The following IL1RAPL1 variants were observed in gnomAD, a reference collection of about 807,000 sequenced individuals.
IL1RAPL1 encodes interleukin 1 receptor accessory protein like 1, also known as interleukin-1 receptor accessory protein-like 1.
IL1RAPL1 carries 3 observed loss-of-function variants against 48.4 expected under a neutral mutation model. The observed-to-expected ratio is 0.06, with a 90% confidence interval of 0.03 to 0.16. The LOEUF is 0.16. Among genes scored for constraint, IL1RAPL1 ranks in the 10% least tolerant of loss-of-function variants. IL1RAPL1 has a pLI of 1.00. For missense variants in IL1RAPL1, 349 were observed against 530.6 expected, an observed-to-expected ratio of 0.66 and a Z score of 3.36; for synonymous variants, 185 against 187.7, an observed-to-expected ratio of 0.99 and a Z score of 0.12.
chrX:29,408,607 T>C (rs892971829), intron 5 of IL1RAPL1, among the ~76,000 whole-genome samples: 3 of 111,916 alleles, frequency 2.7e-5, no homozygotes, highest in Non-Finnish European at 5.6e-5. Flanking sequence ...GAGGTGATTG[T>C]TACAAGGATG....
chrX:29,729,505 A>C (rs5927157), intron 6 of IL1RAPL1, among the ~76,000 whole-genome samples: 28,732 of 109,791 alleles, frequency 0.26, 2,859 homozygotes, highest in Admixed American at 0.39. Context: ...CATTTTTAAA[A>C]TTTTCATCTT....
chrX:28,787,723 A>G (rs942861663), intron 1 of IL1RAPL1, among the ~76,000 whole-genome samples: 2 of 111,738 alleles, frequency 1.8e-5, no homozygotes, highest in Non-Finnish European at 3.8e-5. Context: ...AATTAAAACC[A>G]TTCAGAAGTA....
intron 6 of IL1RAPL1, among the ~76,000 whole-genome samples, chrX:29,866,663 C>T: frequency 9.5e-6 from 1 of 105,811 alleles, no homozygotes; most frequent in Admixed American, 1.1e-4. Flanking sequence ...TCAGAAACAC[C>T]TATCTCGTGT....
chrX:29,584,850 G>C (rs936677515), intron 5 of IL1RAPL1, among the ~76,000 whole-genome samples: 1 of 111,856 alleles, frequency 8.9e-6, no homozygotes, highest in Non-Finnish European at 1.9e-5. Flanking sequence ...CATCATACCT[G>C]GCCCATCCTA....
At chrX:29,323,358 A>C (rs781057079) in intron 3 of IL1RAPL1, among the ~76,000 whole-genome samples, 1 of 109,075 alleles carries the variant, frequency 9.2e-6, no homozygotes, top group African/African-American at 3.3e-5. Context: ...TGACTTTTAT[A>C]TTGGTAAATC....
chrX:29,709,834 A>G (rs1199335170), intron 6 of IL1RAPL1, among the ~76,000 whole-genome samples: 1 of 111,497 alleles, frequency 9.0e-6, no homozygotes, highest in Non-Finnish European at 1.9e-5. Context: ...GTATTCTTCA[A>G]TTTCTTTCAT....
At chrX:28,981,237 C>A (rs1463848731) in intron 2 of IL1RAPL1, among the ~76,000 whole-genome samples, 1 of 107,876 alleles carries the variant, frequency 9.3e-6, no homozygotes, top group Non-Finnish European at 1.9e-5. Context: ...CACTTTCTCA[C>A]ACATCATGCC....
intron 2 of IL1RAPL1, among the ~76,000 whole-genome samples, chrX:28,795,130 T>C (rs993300903): frequency 9.0e-6 from 1 of 111,507 alleles, no homozygotes; most frequent in African/African-American, 3.3e-5. Context: ...TCTGGGACTT[T>C]GTTTCTTTAC....
rs777799743 is a variant in IL1RAPL1 at position 29,287,340 on chromosome X, G to T, written c.362+4123G>T. Among the ~76,000 whole-genome samples, 6 of 111,503 alleles carry T rather than the reference G, an allele frequency of 5.4e-5. No individual in the cohort carries two copies. The East Asian group carries it at 1.7e-3, about 31-fold the overall frequency. The stretch of plus-strand genomic sequence containing the variant: ...CATATTTATTCACTTGTTGAAGGGT[G>T]TCTCTATTATTTCCAGTTTGGGGAT... On this transcript the variant is annotated intron_variant, in intron 3 of 10. Transcript: ENST00000378993.
chrX:29,456,470 G>A (rs1349651855), intron 5 of IL1RAPL1, among the ~76,000 whole-genome samples: 1 of 111,754 alleles, frequency 8.9e-6, no homozygotes. Context: ...ACTTGGAAGT[G>A]TTCCAGTAGG....
chrX:29,130,616 C>T (rs1321506429), intron 2 of IL1RAPL1, among the ~76,000 whole-genome samples: 1 of 111,960 alleles, frequency 8.9e-6, no homozygotes, highest in Admixed American at 9.5e-5. Context: ...TAGTGAAGTT[C>T]GGTGACTATT....
chrX:29,551,033 G>A (rs182857207), intron 5 of IL1RAPL1, among the ~76,000 whole-genome samples: 1 of 112,055 alleles, frequency 8.9e-6, no homozygotes, highest in African/African-American at 3.2e-5. Flanking sequence ...TTTGATTTCT[G>A]TCGGTACCTC....
chrX:29,199,194 A>G (rs1040433426), intron 2 of IL1RAPL1, among the ~76,000 whole-genome samples: 1 of 112,082 alleles, frequency 8.9e-6, no homozygotes, highest in Non-Finnish European at 1.9e-5. Flanking sequence ...AGATAGTAAC[A>G]TGAGAAAATG....
intron 5 of IL1RAPL1, among the ~76,000 whole-genome samples, chrX:29,655,651 CAAAAA>C (rs746998144): frequency 0.013 from 344 of 26,753 alleles, 1 homozygote; most frequent in African/African-American, 0.051. Context: ...TGACAGTCTC[CAAAAA>C]AAAAAAAAAA....
intron 2 of IL1RAPL1, among the ~76,000 whole-genome samples, chrX:28,897,282 C>T (rs1161943183): frequency 2.7e-5 from 3 of 111,433 alleles, no homozygotes; most frequent in Non-Finnish European, 5.7e-5. Flanking sequence ...CCAAGGCAGG[C>T]GTCCCTGCGT....
chrX:29,287,903 A>G (rs1048236680), intron 3 of IL1RAPL1, among the ~76,000 whole-genome samples: 1 of 111,550 alleles, frequency 9.0e-6, no homozygotes, highest in Non-Finnish European at 1.9e-5. Flanking sequence ...GTTTTTAATT[A>G]TGATAAGTTT....
intron 1 of IL1RAPL1, among the ~76,000 whole-genome samples, chrX:28,737,038 G>T (rs1935834169): frequency 9.4e-6 from 1 of 105,888 alleles, no homozygotes; most frequent in African/African-American, 3.5e-5. Flanking sequence ...GCTCAGCCCT[G>T]AATATTTCCT....
chrX:29,148,377 A>G (rs1341643070), intron 2 of IL1RAPL1, among the ~76,000 whole-genome samples: 1 of 111,753 alleles, frequency 8.9e-6, no homozygotes, highest in African/African-American at 3.3e-5. Context: ...ACATTTTCAA[A>G]TGAACTCACT....
chrX:28,682,454 G>A lies in IL1RAPL1; in HGVS notation c.-25+94407G>A, dbSNP rs1935072440. On this transcript the variant is annotated intron_variant, in intron 1 of 10. Transcript: ENST00000378993. ...CACCCAAGTAGCCAGGATGACAGGC[G>A]TGCACCACCACACGCAGCTAATTTT... Among the ~76,000 whole-genome samples, 3 of 111,020 alleles carry A rather than the reference G, an allele frequency of 2.7e-5. No individual in the cohort carries two copies. In the South Asian group the frequency reaches 1.2e-3, roughly 43 times the overall value.
Sources: gnomAD v4.1 joint callset for allele counts (sites outside exome capture counted in the v4.1 genomes callset) on GRCh38, gnomAD v4.1.1 for gene constraint, MANE v1.5 for transcripts, NCBI Gene and HGNC (gene_info 2026-07-23, HGNC 2026-07-21) for gene names.